TMPRSS5: variants seen among roughly 807,000 people sequenced by gnomAD.
TMPRSS5 encodes transmembrane protease serine 5.
Under a neutral mutation model 59.7 loss-of-function variants are expected in TMPRSS5, and 45 were observed. That is an observed-to-expected ratio of 0.75 (90% confidence interval 0.59 to 0.97). TMPRSS5 has a LOEUF of 0.97. Ranked by LOEUF, TMPRSS5 falls within the 50% of genes least tolerant of loss-of-function variation. The pLI is 0.00. For synonymous variants in TMPRSS5, 225 were observed against 232.0 expected, an observed-to-expected ratio of 0.97 and a Z score of 0.27; for missense variants, 585 against 596.7, an observed-to-expected ratio of 0.98 and a Z score of 0.20.
chr11:113,688,796 C>T (rs1443150355), intron 12 of TMPRSS5, among the ~76,000 whole-genome samples: 5 of 152,024 alleles, frequency 3.3e-5, no homozygotes, highest in Non-Finnish European at 5.9e-5. Context: ...CTCCTGACCT[C>T]GTGATCCGCC....
intron 1 of TMPRSS5, among the ~76,000 whole-genome samples, chr11:113,702,906 C>A (rs1291820788): frequency 6.6e-6 from 1 of 152,220 alleles, no homozygotes; most frequent in African/African-American, 2.4e-5. Context: ...TATGGAAACA[C>A]CTGGATGCCC....
chr11:113,704,395 G>A (rs528344840), intron 1 of TMPRSS5, among the ~76,000 whole-genome samples: 1 of 152,246 alleles, frequency 6.6e-6, no homozygotes, highest in Admixed American at 6.5e-5. Context: ...TAAAGTCAGA[G>A]TAATCTTTCT....
chr11:113,690,601 C>T (rs531152971), intron 10 of TMPRSS5, among the ~76,000 whole-genome samples: 1 of 152,152 alleles, frequency 6.6e-6, no homozygotes, highest in African/African-American at 2.4e-5. Context: ...GACCATGGCG[C>T]TCCTGGGACA....
intron 9 of TMPRSS5, 102 bp from the exon 10 acceptor site, chr11:113,691,041 T>A: frequency 9.1e-7 from 1 of 1,098,516 alleles, no homozygotes; most frequent in Non-Finnish European, 1.3e-6. Flanking sequence ...CTCAGCCCCC[T>A]TCTCAAACAG....
intron 9 of TMPRSS5, 100 bp from the exon 10 acceptor site, chr11:113,691,039 C>G (rs1952766569): frequency 5.4e-6 from 6 of 1,111,262 alleles, no homozygotes; most frequent in Non-Finnish European, 7.8e-6. Context: ...TCCTCAGCCC[C>G]CTTCTCAAAC....
At position 113,694,527 on chromosome 11, in the gene TMPRSS5, A is replaced by C; in HGVS notation, c.736T>G (p.Ser246Ala). 6.4e-7 allele frequency: 1 copy of C among 1,563,836 alleles called. No homozygotes were observed. Among genetic ancestry groups the C allele is most frequent in the Non-Finnish European group, 8.7e-7 (1 of 1,153,922 alleles). ...ALGFRHTCGG[S>A]VLAPRWVVTA... ...ACCACCCAGCGTGGCGCTAGCACAGAGCCCCCACACGTGTGCCGGAAGCCC... is the reference window on the plus strand; with the variant it reads ...ACCACCCAGCGTGGCGCTAGCACAGCGCCCCCACACGTGTGCCGGAAGCCC... Residue 246 changes from serine to alanine, a missense_variant, in exon 8 of 13, where the codon TCT becomes GCT. Transcript: ENST00000299882.
intron 7 of TMPRSS5, 27 bp from the exon 8 acceptor site, chr11:113,694,667 AAG>A (rs755226390): frequency 1.1e-4 from 167 of 1,519,564 alleles, no homozygotes; most frequent in South Asian, 1.8e-4. Flanking sequence ...GTGAGATAGA[AAG>A]AGAGAGAGAG....
chr11:113,706,095 C>A, intron 1 of TMPRSS5, 127 bp downstream of exon 1: 1 of 1,139,762 alleles, frequency 8.8e-7, no homozygotes, highest in Non-Finnish European at 1.3e-6. Flanking sequence ...CTGCTAGGAT[C>A]CAGCCCCTGT....
rs986844895 is a variant in TMPRSS5, at chr11:113,695,291, C to T, written c.622+109G>A. ...AGGCAGATGGGCAGGTGGGCAAGAC[C>T]CCTACCCCAGGCCCAGCAGAGTCTC... On this transcript the variant is annotated intron_variant, in intron 7 of 12. Transcript: ENST00000299882. The T allele has an allele frequency of 6.6e-5, 82 of 1,240,298 alleles. No homozygotes were observed. The African/African-American group carries it at 1.1e-3, about 17-fold the overall frequency. 76.8% of individuals were successfully genotyped at this position (1,240,298 alleles called of 1,614,324 possible).
At chr11:113,696,733 T>A (rs1460705500) in intron 6 of TMPRSS5, 125 bp downstream of exon 6, 14 of 648,820 alleles carry the variant, frequency 2.2e-5, no homozygotes, top group Non-Finnish European at 3.6e-5. Context: ...GAAATGTTCC[T>A]CTTTGTCCTC....
intron 11 of TMPRSS5, 55 bp downstream of exon 11, chr11:113,690,176 G>GGGCCCCCCCC: frequency 2.6e-6 from 1 of 388,228 alleles, no homozygotes; most frequent in Non-Finnish European, 4.2e-6. Context: ...CAGGCCCCCT[G>GGGCCCCCCCC]CCCTCCCACC....
intron 4 of TMPRSS5, 139 bp from the exon 5 acceptor site, chr11:113,697,557 T>C: frequency 1.0e-6 from 1 of 985,184 alleles, no homozygotes; most frequent in East Asian, 2.7e-5. Context: ...AGTTCCCTGC[T>C]CCCCGGAGAG....
intron 11 of TMPRSS5, 55 bp downstream of exon 11, chr11:113,690,176 G>GGCCCCCCCCCCCCCCCCCCCC (rs1952727091): frequency 2.1e-5 from 8 of 388,226 alleles, no homozygotes; most frequent in African/African-American, 3.0e-5. Flanking sequence ...CAGGCCCCCT[G>GGCCCCCCCCCCCCCCCCCCCC]CCCTCCCACC....
chr11:113,688,433 T>C (rs917449486), intron 12 of TMPRSS5, among the ~76,000 whole-genome samples, 159 bp from the exon 13 acceptor site: 3 of 152,204 alleles, frequency 2.0e-5, no homozygotes, highest in African/African-American at 7.2e-5. Context: ...TAAGATTTCT[T>C]TGAGAAGATC....
chr11:113,704,056 G>T (rs1318155322), intron 1 of TMPRSS5, among the ~76,000 whole-genome samples: 10 of 152,170 alleles, frequency 6.6e-5, no homozygotes, highest in Admixed American at 3.3e-4. Context: ...GATGAAGAGG[G>T]TTTGAGCTGA....
chr11:113,695,126 G>A (rs532571547), intron 7 of TMPRSS5, among the ~76,000 whole-genome samples: 1 of 152,320 alleles, frequency 6.6e-6, no homozygotes, highest in Non-Finnish European at 1.5e-5. Flanking sequence ...GATGGAGTTG[G>A]TGTCAGAGGC....
chr11:113,692,469 T>C (rs1952810644), intron 9 of TMPRSS5, among the ~76,000 whole-genome samples: 1 of 152,186 alleles, frequency 6.6e-6, no homozygotes. Flanking sequence ...TGTGTGTTTG[T>C]AGGTGAATGC....
chr11:113,704,272 A>G (rs931632849), intron 1 of TMPRSS5, among the ~76,000 whole-genome samples: 7 of 152,236 alleles, frequency 4.6e-5, no homozygotes, highest in Non-Finnish European at 1.5e-5. Flanking sequence ...AACTCAGGCC[A>G]TCTCTTCAAA....
chr11:113,698,529 GA>G (rs1368454248), intron 4 of TMPRSS5, among the ~76,000 whole-genome samples: 1 of 152,090 alleles, frequency 6.6e-6, no homozygotes, highest in Non-Finnish European at 1.5e-5. Context: ...GGAGAGTGGG[GA>G]TGAGGTGGGC....
Sources: gnomAD v4.1 joint callset for allele counts (sites outside exome capture counted in the v4.1 genomes callset) on GRCh38, gnomAD v4.1.1 for gene constraint, MANE v1.5 for transcripts, NCBI Gene and HGNC (gene_info 2026-07-23, HGNC 2026-07-21) for gene names.